The following B3GALT1 variants were observed in gnomAD, a reference collection of about 807,000 sequenced individuals.
B3GALT1 encodes beta-1,3-galactosyltransferase 1.
B3GALT1 carries 10 observed loss-of-function variants against 23.2 expected under a neutral mutation model. The ratio of observed to expected loss-of-function variants is 0.43; its 90% CI spans 0.27 to 0.73. The LOEUF (loss-of-function observed/expected upper bound fraction) is 0.73, where lower values mean the gene tolerates loss of function less well. Among genes scored for constraint, B3GALT1 ranks in the 30% least tolerant of loss-of-function variants. B3GALT1 has a pLI of 0.21. For missense variants in B3GALT1, 299 were observed against 405.4 expected, an observed-to-expected ratio of 0.74 and a Z score of 2.25; for synonymous variants, 156 against 141.5, an observed-to-expected ratio of 1.10 and a Z score of -0.73.
At chr2:167,559,493 C>T (rs1048440430) in intron 2 of B3GALT1, among the ~76,000 whole-genome samples, 7 of 152,064 alleles carry the variant, frequency 4.6e-5, no homozygotes, top group East Asian at 3.9e-4. Context: ...AGGCTTCAGA[C>T]GATCGAACTA....
At chr2:167,637,842 T>G (rs1389447680) in intron 2 of B3GALT1, among the ~76,000 whole-genome samples, 45 of 151,784 alleles carry the variant, frequency 3.0e-4, no homozygotes, top group Non-Finnish European at 2.9e-5. Flanking sequence ...TTTTTTTTTT[T>G]CTTTTCTTTT....
intron 2 of B3GALT1, among the ~76,000 whole-genome samples, chr2:167,563,870 C>G: frequency 7.2e-6 from 1 of 139,580 alleles, no homozygotes. Flanking sequence ...AGAGGCGCCC[C>G]TCATCTGCCG....
chr2:167,325,408 A>G (rs1339141498), intron 1 of B3GALT1, among the ~76,000 whole-genome samples: 1 of 152,012 alleles, frequency 6.6e-6, no homozygotes, highest in Non-Finnish European at 1.5e-5. Flanking sequence ...AGGCCTTTTC[A>G]CATGGCTTGA....
intron 3 of B3GALT1, among the ~76,000 whole-genome samples, chr2:167,810,326 G>A (rs1039637741): frequency 6.6e-6 from 1 of 150,796 alleles, no homozygotes; most frequent in Non-Finnish European, 1.5e-5. Flanking sequence ...AGATGAACCT[G>A]GTACCTCAGT....
At chr2:167,864,975 A>C (rs1384073075) in intron 4 of B3GALT1, among the ~76,000 whole-genome samples, 3 of 152,200 alleles carry the variant, frequency 2.0e-5, no homozygotes, top group African/African-American at 7.2e-5. Flanking sequence ...GTTAAAAAAA[A>C]AAAGGTGTTT....
chr2:167,613,216 T>G (rs1685101935), intron 2 of B3GALT1, among the ~76,000 whole-genome samples: 1 of 151,892 alleles, frequency 6.6e-6, no homozygotes, highest in African/African-American at 2.4e-5. Context: ...AAAAAAAGTT[T>G]TAATGTTAAC....
intron 1 of B3GALT1, among the ~76,000 whole-genome samples, chr2:167,394,507 C>T (rs1418695674): frequency 6.6e-6 from 1 of 152,014 alleles, no homozygotes; most frequent in Non-Finnish European, 1.5e-5. Context: ...TTTGATGCTA[C>T]AGCTTTGATG....
chr2:167,723,818 A>G (rs1574231678), intron 3 of B3GALT1, among the ~76,000 whole-genome samples: 1 of 152,294 alleles, frequency 6.6e-6, no homozygotes, highest in Non-Finnish European at 1.5e-5. Flanking sequence ...GGCTTAAGCC[A>G]CCGTGCCTGA....
At chr2:167,323,463 A>C (rs1378431078) in intron 1 of B3GALT1, among the ~76,000 whole-genome samples, 1 of 151,952 alleles carries the variant, frequency 6.6e-6, no homozygotes, top group Non-Finnish European at 1.5e-5. Context: ...TATCTTTTTG[A>C]AATACCTGCT....
intron 3 of B3GALT1, among the ~76,000 whole-genome samples, chr2:167,651,090 G>A (rs1685856237): frequency 6.6e-6 from 1 of 151,868 alleles, no homozygotes; most frequent in Non-Finnish European, 1.5e-5. Flanking sequence ...GATTCTCGGT[G>A]AAAAAAGCAT....
At chr2:167,690,764 G>A (rs745815365) in intron 3 of B3GALT1, among the ~76,000 whole-genome samples, 2 of 151,988 alleles carry the variant, frequency 1.3e-5, no homozygotes, top group Non-Finnish European at 2.9e-5. Context: ...TTCAATGCAG[G>A]GTCTACTTTT....
At chr2:167,536,622 T>G (rs1275456858) in intron 2 of B3GALT1, among the ~76,000 whole-genome samples, 1 of 152,160 alleles carries the variant, frequency 6.6e-6, no homozygotes, top group Non-Finnish European at 1.5e-5. Flanking sequence ...GTATTAGAGA[T>G]AAAGATATAT....
intron 2 of B3GALT1, among the ~76,000 whole-genome samples, chr2:167,542,051 C>CTATT (rs1431048959): frequency 1.3e-5 from 2 of 152,002 alleles, no homozygotes; most frequent in African/African-American, 4.8e-5. Context: ...CCTTCTGAAC[C>CTATT]TATTTATTTA....
intron 3 of B3GALT1, among the ~76,000 whole-genome samples, chr2:167,808,239 G>A (rs1437756794): frequency 6.6e-6 from 1 of 150,856 alleles, no homozygotes; most frequent in Non-Finnish European, 1.5e-5. Flanking sequence ...ACACTGATGG[G>A]TCTTGACTCT....
At chr2:167,353,925 A>G (rs1697359836) in intron 1 of B3GALT1, among the ~76,000 whole-genome samples, 1 of 152,050 alleles carries the variant, frequency 6.6e-6, no homozygotes, top group African/African-American at 2.4e-5. Flanking sequence ...TGATATAAAT[A>G]TGGTTTATTT....
chr2:167,549,873 GA>G (rs909241247), intron 2 of B3GALT1, among the ~76,000 whole-genome samples: 9 of 151,666 alleles, frequency 5.9e-5, no homozygotes, highest in African/African-American at 1.9e-4. Flanking sequence ...TAGTTTTGAG[GA>G]AAAAAAATAC....
At chr2:167,408,225 A>G (rs1023296169) in intron 1 of B3GALT1, among the ~76,000 whole-genome samples, 9 of 152,194 alleles carry the variant, frequency 5.9e-5, no homozygotes, top group African/African-American at 2.2e-4. Context: ...AAAATACACA[A>G]ATCAATAAAT....
intron 4 of B3GALT1, chr2:167,862,587 G>C (rs998089475): frequency 1.3e-5 from 2 of 152,104 alleles, no homozygotes; most frequent in African/African-American, 4.8e-5. Context: ...GCACCCCTTA[G>C]CCCAGTGAAG....
Position 167,800,448 on chromosome 2 carries a change from C to T in B3GALT1, c.-351-18224C>T, listed in dbSNP as rs1327719729. Among the ~76,000 whole-genome samples, 3 of 152,162 alleles carry T rather than the reference C, an allele frequency of 2.0e-5. No homozygotes were observed. The East Asian group carries it at 5.8e-4, about 29-fold the overall frequency. On this transcript the variant is annotated intron_variant, in intron 3 of 4. Coordinates refer to ENST00000392690, the MANE Select transcript of B3GALT1 (RefSeq NM_020981.4). Reference sequence around the variant, plus strand: ...ACACCCATTATCATTCTACCCTGTTCACAACCTTCCCCTGAAACTTTCTTC... The same window carrying T: ...ACACCCATTATCATTCTACCCTGTTTACAACCTTCCCCTGAAACTTTCTTC...
Sources: allele counts gnomAD v4.1 joint callset (sites outside exome capture counted in the v4.1 genomes callset), GRCh38; gene constraint gnomAD v4.1.1; transcripts MANE v1.5; gene names NCBI Gene and HGNC (gene_info 2026-07-23, HGNC 2026-07-21).